Variants in TESK2 observed in about 807,000 individuals in gnomAD.
TESK2 encodes the protein dual specificity testis-specific protein kinase 2.
TESK2 carries 39 observed loss-of-function variants against 57.1 expected under a neutral mutation model. The observed-to-expected ratio is 0.68, with a 90% CI of 0.53 to 0.89. The LOEUF (loss-of-function observed/expected upper bound fraction) is 0.89, where lower values mean the gene tolerates loss of function less well. Ranked by LOEUF, TESK2 falls within the 40% of genes least tolerant of loss-of-function variation. TESK2 has a pLI of 0.00. For missense variants in TESK2, 646 were observed against 732.1 expected (o/e 0.88, Z 1.36); for synonymous variants, 249 against 267.9 (o/e 0.93, Z 0.69).
rs74721079 is a variant in TESK2, at chr1:45,418,404, A to G, written c.344+3321T>C. Among the ~76,000 whole-genome samples the G allele has an allele frequency of 6.0e-3, 914 of 152,332 alleles. 9 individuals carry two copies. The highest frequency in any genetic ancestry group is 0.021 in the African/African-American group (875 of 41,566). On this transcript the variant is annotated intron_variant, in intron 3 of 10. Coordinates refer to ENST00000372086, the MANE Select transcript of TESK2 (RefSeq NM_007170.3). ...TTGTCATCAATTACCTTATCATTCT[A>G]GTTTCTGCTCAGAATCCAATCACAG...
At chr1:45,463,241 G>C (rs1355903772) in intron 1 of TESK2, among the ~76,000 whole-genome samples, 1 of 152,126 alleles carries the variant, frequency 6.6e-6, no homozygotes, top group African/African-American at 2.4e-5. Flanking sequence ...AACTTCATGT[G>C]ATCACATGTG....
rs754538251 is a variant in TESK2, at chr1:45,345,304, G to C, written c.1252C>G (p.Leu418Val). The C allele has an allele frequency of 1.2e-6, 2 of 1,614,020 alleles. No homozygotes were observed. The highest frequency in any genetic ancestry group is 2.7e-5 in the African/African-American group (2 of 74,920). Residue 418 changes from leucine to valine, a missense_variant, in exon 11 of 11, where the codon CTG becomes GTG. By Grantham distance (32) the Leu-to-Val change is conservative (BLOSUM62 1). Coordinates refer to ENST00000372086, the MANE Select transcript of TESK2 (RefSeq NM_007170.3). The stretch of plus-strand genomic sequence containing the variant: ...AGAGAGATGACAGACTTGCTGGGCA[G>C]GTCAAAAAACTTGATCTTGCCCCCC... The part of the protein sequence containing the change: ...LMGGKIKFFD[L>V]PSKSVISLVF...
chr1:45,480,698 A>T (rs887701050), intron 1 of TESK2, among the ~76,000 whole-genome samples: 6 of 151,004 alleles, frequency 4.0e-5, no homozygotes, highest in Non-Finnish European at 7.4e-5. Flanking sequence ...ATAAATAAAT[A>T]ATATATATAT....
At chr1:45,379,920 G>A (rs994092810) in intron 4 of TESK2, among the ~76,000 whole-genome samples, 3 of 151,790 alleles carry the variant, frequency 2.0e-5, no homozygotes, top group Admixed American at 1.3e-4. Context: ...GCAGAGTCTC[G>A]CTCTGTTGCC....
chr1:45,428,756 G>A (rs536724318), intron 2 of TESK2, among the ~76,000 whole-genome samples: 3 of 150,256 alleles, frequency 2.0e-5, no homozygotes, highest in Admixed American at 1.3e-4. Flanking sequence ...TGCCTGCCTC[G>A]GCCTCCCAAA....
chr1:45,386,020 G>T, intron 3 of TESK2, 60 bp from the exon 4 acceptor site: 2 of 1,369,062 alleles, frequency 1.5e-6, no homozygotes, highest in African/African-American at 1.4e-5. Context: ...AATTCATATA[G>T]AGAAATCAGG....
At chr1:45,443,842 G>T (rs1651544808) in intron 2 of TESK2, among the ~76,000 whole-genome samples, 1 of 152,056 alleles carries the variant, frequency 6.6e-6, no homozygotes, top group Admixed American at 6.6e-5. Context: ...TATTAGATCA[G>T]GAGTCGGCAA....
At chr1:45,408,942 C>T (rs924844438) in intron 3 of TESK2, among the ~76,000 whole-genome samples, 7 of 152,134 alleles carry the variant, frequency 4.6e-5, no homozygotes, top group Non-Finnish European at 7.4e-5. Context: ...TGATTAGTTA[C>T]AAGAAATGGG....
chr1:45,459,653 G>A (rs917559475), intron 1 of TESK2, among the ~76,000 whole-genome samples: 2 of 152,014 alleles, frequency 1.3e-5, no homozygotes, highest in Non-Finnish European at 2.9e-5. Context: ...ACCAGTAAGG[G>A]CAACATAGTG....
intron 1 of TESK2, among the ~76,000 whole-genome samples, chr1:45,474,684 G>A (rs571293873): frequency 6.6e-6 from 1 of 150,874 alleles, no homozygotes; most frequent in African/African-American, 2.4e-5. Flanking sequence ...TGTTGGTCAG[G>A]CTAGTCTCGA....
At chr1:45,352,904 T>TC (rs1236774448) in intron 5 of TESK2, among the ~76,000 whole-genome samples, 1 of 151,910 alleles carries the variant, frequency 6.6e-6, no homozygotes, top group East Asian at 1.9e-4. Context: ...TTTTTTTTTT[T>TC]CTTTTTTTTT....
intron 1 of TESK2, among the ~76,000 whole-genome samples, chr1:45,489,217 C>T (rs1468973474): frequency 6.6e-6 from 1 of 152,052 alleles, no homozygotes; most frequent in Non-Finnish European, 1.5e-5. Context: ...CCCCCACTCC[C>T]TTCTTGAAAT....
chr1:45,432,235 C>T (rs1396882127), intron 2 of TESK2, among the ~76,000 whole-genome samples: 1 of 151,926 alleles, frequency 6.6e-6, no homozygotes, highest in Non-Finnish European at 1.5e-5. Context: ...GTGGTCCCAG[C>T]TACTTAGGAA....
At chr1:45,402,978 A>G (rs1353547907) in intron 3 of TESK2, among the ~76,000 whole-genome samples, 1 of 151,980 alleles carries the variant, frequency 6.6e-6, no homozygotes, top group Non-Finnish European at 1.5e-5. Context: ...AGAAAAAAAA[A>G]ATCACCAATA....
Position 45,467,874 on chromosome 1 carries a change from C to T in TESK2, c.-86-10003G>A, listed in dbSNP as rs560405448. Among the ~76,000 whole-genome samples the T allele has an allele frequency of 9.2e-5, 14 of 151,978 alleles. No individual in the cohort carries two copies. The East Asian group carries it at 2.7e-3, about 29-fold the overall frequency. Reference sequence around the variant, plus strand: ...TTGGATGGCCTAACTTATTTAAGTCCACAAACTTAAAATATTGGGTGGGAT... The same window carrying T: ...TTGGATGGCCTAACTTATTTAAGTCTACAAACTTAAAATATTGGGTGGGAT... On this transcript the variant is annotated intron_variant, in intron 1 of 10. Transcript: ENST00000372086.
At chr1:45,406,587 C>T (rs1649859036) in intron 3 of TESK2, among the ~76,000 whole-genome samples, 1 of 151,898 alleles carries the variant, frequency 6.6e-6, no homozygotes, top group African/African-American at 2.4e-5. Flanking sequence ...CCCAGGAGGT[C>T]GAGGCTGCAG....
intron 4 of TESK2, chr1:45,385,383 G>A (rs923666010): frequency 4.0e-5 from 39 of 978,358 alleles, no homozygotes; most frequent in African/African-American, 5.3e-5. Flanking sequence ...GAAATGAAAC[G>A]AGAATGAAGA....
intron 2 of TESK2, among the ~76,000 whole-genome samples, chr1:45,438,146 C>T (rs1234161932): frequency 6.6e-6 from 1 of 152,204 alleles, no homozygotes; most frequent in African/African-American, 2.4e-5. Context: ...AAAGTTACTT[C>T]ATATAATTCC....
rs562862639 is a variant in TESK2 at position 45,403,882 on chromosome 1, GA to G, written c.344+17842del. On this transcript the variant is annotated intron_variant, in intron 3 of 10. Coordinates refer to ENST00000372086, the MANE Select transcript of TESK2 (RefSeq NM_007170.3). ...CATTGCTCAAAACTGCCATGCAAGCGAAAAAAAAAAAAAAAAACAAGTCTCC... is the reference window on the plus strand; with the variant it reads ...CATTGCTCAAAACTGCCATGCAAGCGAAAAAAAAAAAAAAAACAAGTCTCC... 5.3e-3 allele frequency among the ~76,000 whole-genome samples: 452 copies of G among 84,848 alleles called. 4 individuals are homozygous for G. The highest frequency in any genetic ancestry group is 0.012 in the African/African-American group (324 of 26,706). The allele number at this position is 84,848 out of a possible 152,430, so 55.7% of individuals were successfully genotyped here.
Sources: allele counts gnomAD v4.1 joint callset (sites outside exome capture counted in the v4.1 genomes callset), GRCh38; gene constraint gnomAD v4.1.1; transcripts MANE v1.5; gene names NCBI Gene and HGNC (gene_info 2026-07-23, HGNC 2026-07-21).